The following SEMA3C variants were observed in gnomAD, a reference collection of about 807,000 sequenced individuals.
SEMA3C encodes semaphorin-3C.
A neutral mutation model predicts 89.4 loss-of-function variants in SEMA3C; 47 were observed. The ratio of observed to expected loss-of-function variants is 0.53; its 90% CI spans 0.42 to 0.67. The LOEUF (loss-of-function observed/expected upper bound fraction) is 0.67, where lower values mean the gene tolerates loss of function less well. Among genes scored for constraint, SEMA3C ranks in the 30% least tolerant of loss-of-function variants. The pLI, the probability that SEMA3C is intolerant of heterozygous loss-of-function variation, is 0.00. For missense variants in SEMA3C, 839 were observed against 929.1 expected, an observed-to-expected ratio of 0.90 and a Z score of 1.26; for synonymous variants, 310 against 320.2, an observed-to-expected ratio of 0.97 and a Z score of 0.34.
chr7:80,922,321 C>A, upstream of SEMA3C: 1 of 1,284,246 alleles, frequency 7.8e-7, no homozygotes, highest in Non-Finnish European at 1.0e-6. Flanking sequence ...CTCCTTCACT[C>A]AACTTCCATA....
intron 11 of SEMA3C, among the ~76,000 whole-genome samples, chr7:80,792,300 A>C (rs976788594): frequency 6.6e-6 from 1 of 152,196 alleles, no homozygotes; most frequent in Non-Finnish European, 1.5e-5. Flanking sequence ...AAGTGGAAAA[A>C]GGGAAATACA....
chr7:80,758,944 A>C (rs571444637), intron 14 of SEMA3C, among the ~76,000 whole-genome samples: 11 of 152,222 alleles, frequency 7.2e-5, no homozygotes, highest in Non-Finnish European at 1.5e-4. Flanking sequence ...AAAATGGTAA[A>C]TAGTAAGTAC....
At position 80,752,121 on chromosome 7, in the gene SEMA3C, C is replaced by T. The variant is rs147363006; in HGVS notation, c.1644-785G>A. On this transcript the variant is annotated intron_variant, in intron 15 of 17. Coordinates refer to ENST00000265361, the MANE Select transcript of SEMA3C (RefSeq NM_006379.5). Reference sequence around the variant, plus strand: ...AAGTGCTTTAGCATGTGTTTTTCAACGACAATATTTCAACATAACAATATA... The same window carrying T: ...AAGTGCTTTAGCATGTGTTTTTCAATGACAATATTTCAACATAACAATATA... Among the ~76,000 whole-genome samples, 15 of 152,200 alleles carry T rather than the reference C, an allele frequency of 9.9e-5. No homozygotes were observed. In the South Asian group the frequency reaches 1.5e-3, roughly 15 times the overall value.
In SEMA3C at chr7:80,864,000, A is replaced by G. The variant is rs544147278; in HGVS notation, c.104-35255T>C. ...CACATATATCACATGTATATCACAT[A>G]TATATCGCATGTATATCACATATAT... is the stretch of plus-strand genomic sequence containing the variant. On this transcript the variant is annotated intron_variant, in intron 2 of 17. Transcript: ENST00000265361. Among the ~76,000 whole-genome samples, 9 of 150,546 alleles carry G rather than the reference A, an allele frequency of 6.0e-5. No homozygotes were observed. The South Asian group carries it at 8.3e-4, about 14-fold the overall frequency.
intron 2 of SEMA3C, among the ~76,000 whole-genome samples, chr7:80,853,186 G>C (rs1790557254): frequency 6.6e-6 from 1 of 152,098 alleles, no homozygotes; most frequent in South Asian, 2.1e-4. Flanking sequence ...AATTAGTACA[G>C]CCACTATGGA....
intron 6 of SEMA3C, among the ~76,000 whole-genome samples, chr7:80,807,876 C>T (rs1306936731): frequency 6.6e-6 from 1 of 152,108 alleles, no homozygotes; most frequent in Non-Finnish European, 1.5e-5. Context: ...ACAGAAATCA[C>T]AGGAGATAAT....
At chr7:80,865,922 G>T (rs901458678) in intron 2 of SEMA3C, among the ~76,000 whole-genome samples, 3 of 152,166 alleles carry the variant, frequency 2.0e-5, no homozygotes, top group East Asian at 1.9e-4. Context: ...TCTTTCAGAA[G>T]ATAATTCCTT....
At chr7:80,898,420 T>C (rs1353274043) in intron 2 of SEMA3C, among the ~76,000 whole-genome samples, 1 of 152,064 alleles carries the variant, frequency 6.6e-6, no homozygotes, top group Non-Finnish European at 1.5e-5. Context: ...AAATGTGAAA[T>C]AATTCTTATT....
At chr7:80,848,977 CT>C (rs1013035494) in intron 2 of SEMA3C, among the ~76,000 whole-genome samples, 8 of 152,040 alleles carry the variant, frequency 5.3e-5, no homozygotes, top group African/African-American at 1.9e-4. Context: ...GATAAGATCT[CT>C]TATAAACCCA....
At chr7:80,897,377 C>T (rs925583212) in intron 2 of SEMA3C, among the ~76,000 whole-genome samples, 7 of 152,134 alleles carry the variant, frequency 4.6e-5, no homozygotes, top group African/African-American at 1.7e-4. Context: ...GGAAGTAGTG[C>T]CTTCTTTTGG....
intron 5 of SEMA3C, among the ~76,000 whole-genome samples, chr7:80,812,759 C>A (rs1374781266): frequency 6.6e-6 from 1 of 151,856 alleles, no homozygotes; most frequent in African/African-American, 2.4e-5. Flanking sequence ...CTCTTTTTGA[C>A]TTTGATTGCA....
chr7:80,752,614 CAA>C (rs10660428), intron 15 of SEMA3C, among the ~76,000 whole-genome samples: 12,642 of 111,156 alleles, frequency 0.11, 529 homozygotes, highest in East Asian at 0.2. Flanking sequence ...GACTCCATCT[CAA>C]AAAAAAAAAA....
Position 80,818,395 on chromosome 7 carries a change from A to G in SEMA3C, c.351T>C (p.Arg117=). The change falls in exon 5 of 18, where the codon CGT becomes CGC. Residue 117 remains arginine (R), a synonymous_variant. Coordinates refer to ENST00000265361, the MANE Select transcript of SEMA3C (RefSeq NM_006379.5). The part of the protein sequence containing the change: ...DPTHGCGNFV[R]VIQTFNRTHL... ...GTGTGCGATTGAAAGTCTGAATTAC[A>G]CGGACAAAGTTCCCACAGCCGTGCT... 6.2e-7 allele frequency: 1 copy of G among 1,613,382 alleles called. No homozygotes were observed. The highest frequency in any genetic ancestry group is 1.1e-5 in the South Asian group (1 of 91,020).
intron 2 of SEMA3C, among the ~76,000 whole-genome samples, chr7:80,843,382 T>TTTTTTTAGC (rs1236332332): frequency 3.9e-5 from 6 of 152,158 alleles, no homozygotes; most frequent in Admixed American, 1.3e-4. Context: ...TTTGTGTTGT[T>TTTTTTTAGC]TTTTTTAGCT....
chr7:80,838,405 T>C (rs538824350), intron 2 of SEMA3C, among the ~76,000 whole-genome samples: 1 of 152,332 alleles, frequency 6.6e-6, no homozygotes. Context: ...TATCTATTGT[T>C]GTGGGATATC....
chr7:80,819,379 A>T (rs190592953), intron 4 of SEMA3C, among the ~76,000 whole-genome samples: 1 of 152,290 alleles, frequency 6.6e-6, no homozygotes, highest in Admixed American at 6.5e-5. Context: ...TTACCTGAGA[A>T]AGTTTACAAA....
rs80199295 is a variant in SEMA3C at position 80,825,133 on chromosome 7, C to G, written c.327+2292G>C. ...AGAAATGTAAGAAGGATAGGTTGTT[C>G]TGTACAACTTTCAAAGATCTATTTC... On this transcript the variant is annotated intron_variant, in intron 4 of 17. Coordinates refer to ENST00000265361, the MANE Select transcript of SEMA3C (RefSeq NM_006379.5). Among the ~76,000 whole-genome samples, 38 of 152,196 alleles carry G rather than the reference C, an allele frequency of 2.5e-4. 1 individual carries two copies. In the East Asian group the frequency reaches 6.4e-3, roughly 26 times the overall value.
At chr7:80,882,243 C>T (rs1469553965) in intron 2 of SEMA3C, among the ~76,000 whole-genome samples, 1 of 152,022 alleles carries the variant, frequency 6.6e-6, no homozygotes, top group Non-Finnish European at 1.5e-5. Context: ...AAAATCTCAA[C>T]CTCAATTAAT....
At chr7:80,815,327 A>G (rs1157307485) in intron 5 of SEMA3C, among the ~76,000 whole-genome samples, 1 of 152,092 alleles carries the variant, frequency 6.6e-6, no homozygotes, top group East Asian at 1.9e-4. Context: ...TTGGTCACTG[A>G]GGAATCTGCC....
Sources: allele counts gnomAD v4.1 joint callset (sites outside exome capture counted in the v4.1 genomes callset), GRCh38; gene constraint gnomAD v4.1.1; transcripts MANE v1.5; gene names NCBI Gene and HGNC (gene_info 2026-07-23, HGNC 2026-07-21).